The following FREM2 variants were observed in gnomAD, a reference collection of about 807,000 sequenced individuals.
The protein encoded by FREM2 is FRAS1 related extracellular matrix 2.
FREM2 carries 119 observed loss-of-function variants against 219.9 expected under a neutral mutation model. The observed-to-expected ratio is 0.54, with a 90% CI of 0.47 to 0.63. The LOEUF is 0.63. Ranked by LOEUF, FREM2 falls within the 30% of genes least tolerant of loss-of-function variation. FREM2 has a pLI of 0.00. For missense variants in FREM2, 4,030 were observed against 3,993.6 expected (o/e 1.01, Z -0.25); for synonymous variants, 1,562 against 1,522.8 (o/e 1.03, Z -0.60).
rs957050583 is a variant in FREM2 at position 38,763,502 on chromosome 13, A to G, written c.5264-802A>G. On this transcript the variant is annotated intron_variant, in intron 2 of 23. Transcript: ENST00000280481. The stretch of plus-strand genomic sequence containing the variant: ...TACACCCTCTTTCAGAAAGACTTAA[A>G]AGGCATTACTGATGCCTTTGTTTGT... Among the ~76,000 whole-genome samples the G allele has an allele frequency of 7.5e-5, 10 of 134,058 alleles. No individual in the cohort carries two copies. The Admixed American group carries it at 8.0e-4, about 11-fold the overall frequency. 87.9% of individuals were successfully genotyped at this position (134,058 alleles called of 152,430 possible).
At chr13:38,827,522 T>C (rs1368208889) in intron 6 of FREM2, 2 of 152,144 alleles carry the variant, frequency 1.3e-5, no homozygotes, top group African/African-American at 4.8e-5. Context: ...TACACCAGAC[T>C]GTATGTTTCT....
At position 38,864,585 on chromosome 13, in the gene FREM2, C is replaced by A; in HGVS notation, c.7962C>A (p.Gly2654=). 6.2e-7 allele frequency: 1 copy of A among 1,614,086 alleles called. No individual in the cohort carries two copies. The highest frequency in any genetic ancestry group is 8.5e-7 in the Non-Finnish European group (1 of 1,179,922). ...DMSELLADCG[G]TIGTDGQVLN... ...CAGAACTCCTTGCTGACTGTGGTGG[C>A]ACCATTGGAACAGATGGACAGGTAC... Residue 2654 remains glycine, a synonymous_variant, in exon 16 of 24, where the codon GGC becomes GGA. Coordinates refer to ENST00000280481, the MANE Select transcript of FREM2 (RefSeq NM_207361.6).
intron 23 of FREM2, 131 bp downstream of exon 23, chr13:38,879,108 G>A: frequency 1.1e-6 from 1 of 910,720 alleles, no homozygotes; most frequent in South Asian, 1.4e-5. Flanking sequence ...TGGGAACATT[G>A]AATAAGATAT....
At chr13:38,712,074 C>G (rs1870796535) in intron 2 of FREM2, among the ~76,000 whole-genome samples, 1 of 151,756 alleles carries the variant, frequency 6.6e-6, no homozygotes. Flanking sequence ...GCGCCTTCCC[C>G]CACCCCCAGC....
chr13:38,770,119 C>G (rs1873602169), intron 4 of FREM2, among the ~76,000 whole-genome samples: 1 of 146,672 alleles, frequency 6.8e-6, no homozygotes, highest in African/African-American at 2.5e-5. Flanking sequence ...TTTCATATTA[C>G]CAGAAAATCT....
intron 2 of FREM2, among the ~76,000 whole-genome samples, chr13:38,737,232 GAATAAATC>G: frequency 6.6e-6 from 1 of 152,136 alleles, no homozygotes; most frequent in East Asian, 1.9e-4. Context: ...TTGTTGAATT[GAATAAATC>G]AATTAATGGA....
At chr13:38,747,796 C>G (rs1382170148) in intron 2 of FREM2, among the ~76,000 whole-genome samples, 2 of 152,100 alleles carry the variant, frequency 1.3e-5, no homozygotes, top group Non-Finnish European at 2.9e-5. Context: ...GACTAGGAAA[C>G]AATGTGCTTT....
Position 38,703,088 on chromosome 13 carries a change from A to T in FREM2, c.5263+5301A>T, listed in dbSNP as rs896624338. ...CCGTATTTGATGATTGACTCCTCAA[A>T]CACAAAGAGACTACCGGAAGCCTTT... is the stretch of plus-strand genomic sequence containing the variant. On this transcript the variant is annotated intron_variant, in intron 2 of 23. Transcript: ENST00000280481. Among the ~76,000 whole-genome samples, 3 of 152,160 alleles carry T rather than the reference A, an allele frequency of 2.0e-5. No individual in the cohort carries two copies. The East Asian group carries it at 5.8e-4, about 29-fold the overall frequency.
chr13:38,757,205 T>C (rs1261998026), intron 2 of FREM2, among the ~76,000 whole-genome samples: 1 of 152,200 alleles, frequency 6.6e-6, no homozygotes, highest in African/African-American at 2.4e-5. Flanking sequence ...CCACATTATA[T>C]ACCTGGGATG....
chr13:38,721,804 A>G (rs1297724578), intron 2 of FREM2, among the ~76,000 whole-genome samples: 3 of 152,132 alleles, frequency 2.0e-5, no homozygotes, highest in Non-Finnish European at 2.9e-5. Context: ...TTAACTCTTG[A>G]TAGTACTAAA....
intron 6 of FREM2, among the ~76,000 whole-genome samples, chr13:38,823,960 G>C (rs556467858): frequency 6.6e-6 from 1 of 152,252 alleles, no homozygotes; most frequent in South Asian, 2.1e-4. Flanking sequence ...AACTTGGAGA[G>C]AGTATTTCTT....
At chr13:38,867,389 A>G (rs1378895014) in intron 16 of FREM2, among the ~76,000 whole-genome samples, 1 of 152,252 alleles carries the variant, frequency 6.6e-6, no homozygotes, top group Non-Finnish European at 1.5e-5. Context: ...TAAATCATTG[A>G]GATTTTAGGA....
At chr13:38,789,400 T>G (rs1029648991) in intron 6 of FREM2, among the ~76,000 whole-genome samples, 1 of 151,830 alleles carries the variant, frequency 6.6e-6, no homozygotes, top group Non-Finnish European at 1.5e-5. Flanking sequence ...CTCTATTGCA[T>G]GTCTATTTAT....
intron 2 of FREM2, among the ~76,000 whole-genome samples, chr13:38,712,890 C>A (rs1870838081): frequency 6.6e-6 from 1 of 152,108 alleles, no homozygotes; most frequent in African/African-American, 2.4e-5. Context: ...GCATTTAATT[C>A]TCATAGTAAT....
chr13:38,699,321 AACAC>A (rs56868797), intron 2 of FREM2, among the ~76,000 whole-genome samples: 1 of 152,100 alleles, frequency 6.6e-6, no homozygotes, highest in Admixed American at 6.6e-5. Context: ...CTCATACACA[AACAC>A]ACACACATTA....
intron 2 of FREM2, among the ~76,000 whole-genome samples, chr13:38,737,275 C>T (rs1038919903): frequency 1.3e-5 from 2 of 152,056 alleles, no homozygotes; most frequent in Admixed American, 6.5e-5. Flanking sequence ...CATCAGGAAC[C>T]GAAGAAGGTC....
intron 1 of FREM2, among the ~76,000 whole-genome samples, chr13:38,697,036 A>T (rs905373762): frequency 2.6e-5 from 4 of 151,986 alleles, no homozygotes; most frequent in Admixed American, 6.5e-5. Context: ...CTGACCTCAC[A>T]TAATCCACCT....
intron 4 of FREM2, among the ~76,000 whole-genome samples, chr13:38,774,224 T>C (rs78895707): frequency 0.059 from 8,908 of 152,168 alleles, 377 homozygotes; most frequent in Non-Finnish European, 0.088. Context: ...CTATTATATA[T>C]TAAGCCTCAA....
chr13:38,832,020 A>C (rs1876530459), intron 6 of FREM2, among the ~76,000 whole-genome samples: 1 of 152,116 alleles, frequency 6.6e-6, no homozygotes, highest in South Asian at 2.1e-4. Flanking sequence ...ATTTATTGAA[A>C]GAAAAGTGAG....
Sources: allele counts gnomAD v4.1 joint callset (sites outside exome capture counted in the v4.1 genomes callset), GRCh38; gene constraint gnomAD v4.1.1; transcripts MANE v1.5; gene names NCBI Gene and HGNC (gene_info 2026-07-23, HGNC 2026-07-21).